CDK13: variants seen among roughly 807,000 people sequenced by gnomAD.
CDK13 encodes the protein cyclin-dependent kinase 13.
CDK13 carries 40 observed loss-of-function variants against 137.6 expected under a neutral mutation model. The ratio of observed to expected loss-of-function variants is 0.29; its 90% CI spans 0.23 to 0.38. CDK13 has a LOEUF of 0.38. Ranked by LOEUF, CDK13 falls within the 10% of genes least tolerant of loss-of-function variation. The pLI, the probability that CDK13 is intolerant of heterozygous loss-of-function variation, is 1.00. For missense variants in CDK13, 1,704 were observed against 1,951.8 expected (o/e 0.87, Z 2.39); for synonymous variants, 869 against 760.1 (o/e 1.14, Z -2.36).
In CDK13 at chr7:39,951,399, G is replaced by C; in HGVS notation, c.758G>C (p.Ser253Thr). 1 of 1,525,608 alleles carries C rather than the reference G, an allele frequency of 6.6e-7. No homozygotes were observed. The allele number at this position is 1,525,608 out of a possible 1,614,324, so 94.5% of individuals were successfully genotyped here. ...GTCGCCAAGAGCGGCAGCAGCAGCAGCAGCGGCGGCCGCCGGAAAAGCGCT... is the reference window on the plus strand; with the variant it reads ...GTCGCCAAGAGCGGCAGCAGCAGCACCAGCGGCGGCCGCCGGAAAAGCGCT... ...AEVAKSGSSSSSGGRRKSASA... is the reference protein window; with the variant it reads ...AEVAKSGSSSTSGGRRKSASA... The change falls in exon 1 of 14, where the codon AGC becomes ACC. Residue 253 changes from serine (S) to threonine (T), a missense_variant. Coordinates refer to ENST00000181839, the MANE Select transcript of CDK13 (RefSeq NM_003718.5).
At chr7:40,026,312 C>A (rs1785240419) in intron 5 of CDK13, among the ~76,000 whole-genome samples, 1 of 152,092 alleles carries the variant, frequency 6.6e-6, no homozygotes, top group African/African-American at 2.4e-5. Flanking sequence ...AGTTTGAGAC[C>A]TGCCTGGACA....
chr7:40,083,052 G>A (rs1300457632), intron 11 of CDK13, among the ~76,000 whole-genome samples: 4 of 149,386 alleles, frequency 2.7e-5, no homozygotes, highest in South Asian at 4.2e-4. Flanking sequence ...GCAGTGAGCC[G>A]AGATCGCGCC....
At position 39,974,348 on chromosome 7, in the gene CDK13, G is replaced by A. The variant is rs549760291; in HGVS notation, c.1212-13251G>A. ...CCCAAGGTGTTGGGATCATAGGCAT[G>A]AGCCAGCGCGCCTGGCCAGGGAGTA... On this transcript the variant is annotated intron_variant, in intron 1 of 13. Transcript: ENST00000181839. 5.9e-5 allele frequency among the ~76,000 whole-genome samples: 9 copies of A among 152,226 alleles called. No homozygotes were observed. In the East Asian group the frequency reaches 1.7e-3, roughly 29 times the overall value.
chr7:40,079,570 G>A (rs1786620170), intron 11 of CDK13, among the ~76,000 whole-genome samples: 1 of 152,150 alleles, frequency 6.6e-6, no homozygotes, highest in Non-Finnish European at 1.5e-5. Context: ...TTATAAGGTA[G>A]GTATTAGTAT....
At chr7:40,023,041 A>G (rs1785160603) in intron 5 of CDK13, among the ~76,000 whole-genome samples, 1 of 145,154 alleles carries the variant, frequency 6.9e-6, no homozygotes, top group South Asian at 2.1e-4. Flanking sequence ...TTCCTTAGTT[A>G]TTTCTGTTGT....
At chr7:39,978,688 T>A (rs2116223496) in intron 1 of CDK13, among the ~76,000 whole-genome samples, 1 of 152,322 alleles carries the variant, frequency 6.6e-6, no homozygotes, top group South Asian at 2.1e-4. Context: ...TTAATGGATA[T>A]CTTGTTAAAA....
intron 5 of CDK13, among the ~76,000 whole-genome samples, chr7:40,003,189 C>T (rs1292727551): frequency 9.9e-6 from 1 of 101,106 alleles, no homozygotes; most frequent in Non-Finnish European, 2.2e-5. Flanking sequence ...CACACACACA[C>T]ACACACACAC....
chr7:40,033,591 G>A (rs1392079458), intron 5 of CDK13, among the ~76,000 whole-genome samples: 2 of 152,140 alleles, frequency 1.3e-5, no homozygotes, highest in African/African-American at 4.8e-5. Context: ...AGTATCAGAG[G>A]CCAAAATTTC....
chr7:40,016,156 C>T (rs1451933747), intron 5 of CDK13, among the ~76,000 whole-genome samples: 2 of 152,160 alleles, frequency 1.3e-5, no homozygotes, highest in Non-Finnish European at 2.9e-5. Context: ...TGTTACGTTG[C>T]TGTGCAGTTT....
chr7:40,060,418 TC>T (rs1220294642), intron 7 of CDK13, among the ~76,000 whole-genome samples: 36 of 152,332 alleles, frequency 2.4e-4, no homozygotes, highest in Non-Finnish European at 2.6e-4. Flanking sequence ...TACTCATAGA[TC>T]CTTGATGTGT....
rs988393264 is a variant in CDK13 at position 40,098,453 on chromosome 7, G to T, written c.*3473G>T. 1 of 150,634 alleles carries T rather than the reference G, an allele frequency of 6.6e-6. No individual in the cohort carries two copies. Among genetic ancestry groups the T allele is most frequent in the African/African-American group, 2.4e-5 (1 of 41,006 alleles). 9.3% of individuals were successfully genotyped at this position (150,634 alleles called of 1,614,324 possible). A position where few individuals can be genotyped will look rare whatever the true frequency, so the allele number is the denominator to read the frequency against. On this transcript the variant is annotated 3_prime_UTR_variant, in exon 14 of 14. Transcript: ENST00000181839. ...GGTGAATCCTTCTTGTAGGACATAGGTAAAAAAAACAAAGCTGAAATATAT... is the reference window on the plus strand; with the variant it reads ...GGTGAATCCTTCTTGTAGGACATAGTTAAAAAAAACAAAGCTGAAATATAT...
intron 2 of CDK13, 114 bp downstream of exon 2, chr7:39,988,372 C>T (rs1250024853): frequency 1.5e-6 from 1 of 686,488 alleles, no homozygotes; most frequent in Non-Finnish European, 2.4e-6. Flanking sequence ...AAAAAGACTA[C>T]AAGTGAATGA....
At chr7:40,076,555 G>A (rs1315840367) in intron 9 of CDK13, among the ~76,000 whole-genome samples, 9 of 151,680 alleles carry the variant, frequency 5.9e-5, no homozygotes. Context: ...AGGGAGTAGG[G>A]TTGAGGAGGT....
chr7:40,052,047 C>T (rs917741003), intron 7 of CDK13, among the ~76,000 whole-genome samples: 1 of 152,102 alleles, frequency 6.6e-6, no homozygotes, highest in East Asian at 1.9e-4. Context: ...CAAGTCATTG[C>T]TCCAGTGGTT....
intron 3 of CDK13, 76 bp downstream of exon 3, chr7:39,997,740 A>C (rs926456512): frequency 6.5e-5 from 69 of 1,063,016 alleles, no homozygotes; most frequent in Admixed American, 2.7e-4. Flanking sequence ...TAAAACACTA[A>C]ATTAAGGTTT....
intron 1 of CDK13, among the ~76,000 whole-genome samples, chr7:39,959,214 T>C (rs547483551): frequency 2.0e-5 from 3 of 151,998 alleles, no homozygotes; most frequent in Non-Finnish European, 4.4e-5. Flanking sequence ...TTGCCCAGGC[T>C]GGAATGGTGC....
At chr7:39,997,345 T>G in intron 2 of CDK13, 149 bp from the exon 3 acceptor site, 2 of 668,660 alleles carry the variant, frequency 3.0e-6, no homozygotes, top group South Asian at 1.8e-5. Flanking sequence ...AGTGTATTAC[T>G]TTAGCTGGAA....
At chr7:40,037,531 T>C (rs1785511098) in intron 5 of CDK13, among the ~76,000 whole-genome samples, 1 of 152,236 alleles carries the variant, frequency 6.6e-6, no homozygotes, top group African/African-American at 2.4e-5. Context: ...CTTTATGACC[T>C]AGACTTGGAA....
chr7:39,958,271 A>G (rs1787486859), intron 1 of CDK13, among the ~76,000 whole-genome samples: 1 of 152,140 alleles, frequency 6.6e-6, no homozygotes, highest in South Asian at 2.1e-4. Context: ...TTTCACTGGG[A>G]TATTTTATTG....
Sources: gnomAD v4.1 joint callset for allele counts (sites outside exome capture counted in the v4.1 genomes callset) on GRCh38, gnomAD v4.1.1 for gene constraint, MANE v1.5 for transcripts, NCBI Gene and HGNC (gene_info 2026-07-23, HGNC 2026-07-21) for gene names.